Variants in AVEN observed in about 807,000 individuals in gnomAD.
AVEN encodes cell death regulator Aven.
AVEN carries 41 observed loss-of-function variants against 38.1 expected under a neutral mutation model. The observed-to-expected ratio is 1.08, with a 90% CI of 0.84 to 1.40. The LOEUF (loss-of-function observed/expected upper bound fraction) is 1.40. Ranked by LOEUF, AVEN falls within the 40% of genes most tolerant of loss-of-function variation. The pLI, the probability that AVEN is intolerant of heterozygous loss-of-function variation, is 0.00. For missense variants in AVEN, 605 were observed against 438.8 expected (o/e 1.38, Z -3.38); for synonymous variants, 206 against 171.8 (o/e 1.20, Z -1.56).
chr15:33,867,546 A>C lies in AVEN; in HGVS notation c.922T>G (p.Ser308Ala). ...TCTTCCTTGGATTTCAGGTCCTGAGACGTCTGATCTGGTAAGATGTTATCT... is the reference window on the plus strand; with the variant it reads ...TCTTCCTTGGATTTCAGGTCCTGAGCCGTCTGATCTGGTAAGATGTTATCT... ...EGDNILPDQT[S>A]QDLKSKEDGE... Residue 308 changes from serine to alanine, a missense_variant, in exon 5 of 6, where the codon TCT (serine) becomes GCT (alanine). Ser to Ala is a moderately conservative substitution (Grantham distance 99). Transcript: ENST00000306730. 1 of 1,609,250 alleles carries C rather than the reference A, an allele frequency of 6.2e-7. No individual in the cohort carries two copies. The highest frequency in any genetic ancestry group is 8.5e-7 in the Non-Finnish European group (1 of 1,178,106).
intron 2 of AVEN, among the ~76,000 whole-genome samples, chr15:33,904,694 A>ATATATATATATATAT (rs1555505832): frequency 2.7e-5 from 3 of 112,742 alleles, no homozygotes; most frequent in African/African-American, 8.7e-5. Flanking sequence ...AAAAAAAAAA[A>ATATATATATATATAT]ATATATATAT....
At chr15:33,915,211 T>C (rs747005389) in intron 2 of AVEN, among the ~76,000 whole-genome samples, 19 of 152,026 alleles carry the variant, frequency 1.2e-4, no homozygotes, top group Non-Finnish European at 2.5e-4. Context: ...ATGTGGAGAC[T>C]CACATCGTGA....
chr15:33,857,830 G>A (rs377333580), downstream of AVEN: 1 of 1,614,178 alleles, frequency 6.2e-7, no homozygotes. Context: ...TCTATACTGT[G>A]GTGGCTTTCA....
At chr15:33,991,172 A>G (rs2140568934) in intron 2 of AVEN, 1 of 152,384 alleles carries the variant, frequency 6.6e-6, no homozygotes, top group South Asian at 2.1e-4. Context: ...AAAGCATTTA[A>G]GCAATCAACA....
At chr15:33,885,030 A>G (rs1220725790) in intron 2 of AVEN, among the ~76,000 whole-genome samples, 2 of 152,126 alleles carry the variant, frequency 1.3e-5, no homozygotes, top group Non-Finnish European at 2.9e-5. Context: ...ACTTCATTTT[A>G]AGCTCCATTT....
chr15:34,018,254 C>G (rs1396009657), intron 1 of AVEN: 2 of 152,314 alleles, frequency 1.3e-5, no homozygotes, highest in South Asian at 2.1e-4. Flanking sequence ...AGGTGGAAGA[C>G]AGTGATATTG....
chr15:33,986,134 T>A (rs184471356), intron 2 of AVEN, among the ~76,000 whole-genome samples: 236 of 151,734 alleles, frequency 1.6e-3, no homozygotes, highest in African/African-American at 5.3e-3. Flanking sequence ...TGAGATGGAC[T>A]CTCGCTCTGT....
chr15:34,009,308 C>T (rs1255809096), intron 1 of AVEN, among the ~76,000 whole-genome samples: 1 of 152,114 alleles, frequency 6.6e-6, no homozygotes, highest in African/African-American at 2.4e-5. Context: ...CAATTCAAAT[C>T]CACATGAAAA....
chr15:33,975,711 C>T (rs1467271743), intron 2 of AVEN, among the ~76,000 whole-genome samples: 1 of 152,152 alleles, frequency 6.6e-6, no homozygotes, highest in African/African-American at 2.4e-5. Context: ...GCAGGTGAAT[C>T]ATGAGGTCAG....
chr15:34,025,354 G>GCCTA (rs1365835598), intron 1 of AVEN, among the ~76,000 whole-genome samples: 6 of 152,292 alleles, frequency 3.9e-5, no homozygotes, highest in South Asian at 2.1e-4. Context: ...TCGACAAGAA[G>GCCTA]TTTAGAGAAA....
chr15:34,007,149 A>G (rs1897391505), intron 1 of AVEN: 16 of 593,582 alleles, frequency 2.7e-5, no homozygotes, highest in Non-Finnish European at 2.8e-5. Context: ...CCGAGCTATT[A>G]TCTTGTCCAA....
At chr15:33,989,890 C>T (rs1005738908) in intron 2 of AVEN, among the ~76,000 whole-genome samples, 7 of 150,216 alleles carry the variant, frequency 4.7e-5, no homozygotes, top group South Asian at 2.1e-4. Context: ...GAGACGGATA[C>T]ACTAGATGCT....
chr15:33,854,316 C>CT, downstream of AVEN: 1 of 1,298,806 alleles, frequency 7.7e-7, no homozygotes, highest in Non-Finnish European at 1.1e-6. Flanking sequence ...AAAAAACTTA[C>CT]TTTTTCCCCC....
At chr15:33,910,771 G>A (rs1181373266) in intron 2 of AVEN, among the ~76,000 whole-genome samples, 2 of 152,264 alleles carry the variant, frequency 1.3e-5, no homozygotes, top group East Asian at 1.9e-4. Context: ...GAAAAGAAAT[G>A]GGAGTTTCCT....
downstream of AVEN, chr15:33,865,838 C>CCATTCATTAGTTGTGATCTTCCGTCTTA (rs1597157190): frequency 1.3e-5 from 2 of 152,748 alleles, no homozygotes; most frequent in East Asian, 3.8e-4. Flanking sequence ...AAGGACAGTT[C>CCATTCATTAGTTGTGATCTTCCGTCTTA]CATTCATTAG....
rs77862635 is a variant in AVEN at position 34,070,232 on chromosome 15, A to G, written n.784+356T>C. Among the ~76,000 whole-genome samples the G allele has an allele frequency of 2.8e-3, 433 of 152,182 alleles. 1 individual carries two copies. The highest frequency in any genetic ancestry group is 5.3e-3 in the Non-Finnish European group (362 of 68,000). On this transcript the variant is annotated intron_variant and non_coding_transcript_variant, in intron 2 of 11. Coordinates refer to the AVEN transcript ENST00000675287. Reference sequence around the variant, plus strand: ...GGGAAACCGCCTCCAGGCTTCAACTACCTCCCACTGGGTCCGTCCCACAAG... The same window carrying G: ...GGGAAACCGCCTCCAGGCTTCAACTGCCTCCCACTGGGTCCGTCCCACAAG...
At chr15:33,908,232 C>CCCATT (rs750930713) in intron 2 of AVEN, among the ~76,000 whole-genome samples, 157 of 122,576 alleles carry the variant, frequency 1.3e-3, no homozygotes, top group Non-Finnish European at 2.1e-3. Flanking sequence ...AAACTCCTTA[C>CCCATT]CCATTACACA....
chr15:33,934,210 C>A (rs931666206), intron 2 of AVEN, among the ~76,000 whole-genome samples: 23 of 141,580 alleles, frequency 1.6e-4, no homozygotes, highest in Middle Eastern at 3.6e-3. Context: ...CCCATCTCTA[C>A]AAAAAAAAAA....
At chr15:33,897,251 T>A (rs986039753) in intron 2 of AVEN, among the ~76,000 whole-genome samples, 6 of 151,966 alleles carry the variant, frequency 3.9e-5, no homozygotes, top group African/African-American at 1.5e-4. Context: ...CTAAAAAGGC[T>A]GAATTTTGCT....
Sources: gnomAD v4.1 joint callset for allele counts (sites outside exome capture counted in the v4.1 genomes callset) on GRCh38, gnomAD v4.1.1 for gene constraint, MANE v1.5 for transcripts, NCBI Gene and HGNC (gene_info 2026-07-23, HGNC 2026-07-21) for gene names.